AMOTL1: variants seen among roughly 807,000 people sequenced by gnomAD.
AMOTL1 encodes angiomotin-like protein 1.
A neutral mutation model predicts 102.9 loss-of-function variants in AMOTL1; 45 were observed. The observed-to-expected ratio is 0.44, with a 90% confidence interval of 0.34 to 0.56. AMOTL1 has a LOEUF of 0.56. Among genes scored for constraint, AMOTL1 ranks in the 20% least tolerant of loss-of-function variants. The probability of loss-of-function intolerance (pLI) is 0.01; values close to 1 mark genes in which losing one functional copy is unlikely to be tolerated. For missense variants in AMOTL1, 1,114 were observed against 1,225.6 expected (o/e 0.91, Z 1.36); for synonymous variants, 481 against 484.7 (o/e 0.99, Z 0.10).
intron 1 of AMOTL1, among the ~76,000 whole-genome samples, chr11:94,713,866 C>T (rs1009932275): frequency 6.6e-6 from 1 of 151,888 alleles, no homozygotes; most frequent in East Asian, 1.9e-4. Context: ...TTATTTTTCC[C>T]TTTCCATTCT....
Position 94,768,540 on chromosome 11 carries a change from C to G in AMOTL1, c.29C>G (p.Thr10Ser), listed in dbSNP as rs1950890253. MWRAKLRRG[T>S]CEPAVKGSPS... is the part of the protein sequence containing the mutation. ...TGGAGGGCAAAGTTGCGCCGGGGAA[C>G]TTGTGAGCCTGCGGTGAAAGGTAAC... Residue 10 changes from threonine to serine, a missense_variant, in exon 1 of 13, where the codon ACT becomes AGT. Physicochemically the swap from Thr to Ser is moderately conservative, Grantham distance 58. Coordinates refer to ENST00000433060, the MANE Select transcript of AMOTL1 (RefSeq NM_130847.3). 6.2e-7 allele frequency: 1 copy of G among 1,601,168 alleles called. No individual in the cohort carries two copies. Among genetic ancestry groups the G allele is most frequent in the Non-Finnish European group, 8.5e-7 (1 of 1,174,316 alleles).
chr11:94,763,443 G>A (rs1950818636), upstream of AMOTL1, among the ~76,000 whole-genome samples: 1 of 152,106 alleles, frequency 6.6e-6, no homozygotes, highest in Non-Finnish European at 1.5e-5. Context: ...TTTATATTTA[G>A]AAAAAGGCAG....
At chr11:94,846,502 G>A (rs1952414483) in intron 6 of AMOTL1, among the ~76,000 whole-genome samples, 1 of 152,258 alleles carries the variant, frequency 6.6e-6, no homozygotes, top group Admixed American at 6.5e-5. Flanking sequence ...AGAACCATAA[G>A]TGGAAGAGCT....
At position 94,821,752 on chromosome 11, in the gene AMOTL1, A is replaced by T. The variant is rs1226475484; in HGVS notation, c.1344A>T (p.Leu448Phe). ...GAGCCCAGCAAATGGTGGAGATATT[A>T]ACAGAGGAGAACCGGGTGCTTCACC... Reference protein sequence around the residue: ...VERAQQMVEILTEENRVLHQE... With the variant: ...VERAQQMVEIFTEENRVLHQE... The change falls in exon 4 of 13, where the codon TTA (leucine) becomes TTT (phenylalanine). Residue 448 changes from leucine to phenylalanine, a missense_variant. Physicochemically the swap from Leu to Phe is conservative, Grantham distance 22. Transcript: ENST00000433060. 2 of 1,614,006 alleles carry T rather than the reference A, an allele frequency of 1.2e-6. No individual in the cohort carries two copies. The highest frequency in any genetic ancestry group is 1.7e-6 in the Non-Finnish European group (2 of 1,179,888).
chr11:94,830,235 A>G (rs1952045170), intron 5 of AMOTL1, 41 bp downstream of exon 5: 1 of 1,545,916 alleles, frequency 6.5e-7, no homozygotes, highest in Non-Finnish European at 8.7e-7. Context: ...CTACCTGTAG[A>G]GTTTTAGTGT....
intron 2 of AMOTL1, among the ~76,000 whole-genome samples, chr11:94,796,001 C>T (rs1951359105): frequency 6.6e-6 from 1 of 152,176 alleles, no homozygotes; most frequent in South Asian, 2.1e-4. Flanking sequence ...AAAGAGCAGA[C>T]CAGTCCAACC....
chr11:94,820,784 A>G (rs542501439), intron 3 of AMOTL1, among the ~76,000 whole-genome samples: 1 of 152,234 alleles, frequency 6.6e-6, no homozygotes, highest in Non-Finnish European at 1.5e-5. Context: ...CAGGCATTAG[A>G]TTATCATAAG....
At chr11:94,864,150 C>G (rs1445026212) in intron 9 of AMOTL1, among the ~76,000 whole-genome samples, 2 of 152,172 alleles carry the variant, frequency 1.3e-5, no homozygotes, top group African/African-American at 4.8e-5. Context: ...GCATTCTATG[C>G]TGTATGGATG....
At position 94,826,160 on chromosome 11, in the gene AMOTL1, A is replaced by C. The variant is rs149912282; in HGVS notation, c.1414-3890A>C. Among the ~76,000 whole-genome samples, 633 of 152,196 alleles carry C rather than the reference A, an allele frequency of 4.2e-3. 12 individuals carry two copies. The highest frequency in any genetic ancestry group is 0.035 in the South Asian group (168 of 4,818). On this transcript the variant is annotated intron_variant, in intron 4 of 12. Coordinates refer to ENST00000433060, the MANE Select transcript of AMOTL1 (RefSeq NM_130847.3). ...ATACAAAAATTACCCAGCCATGGTG[A>C]TGCACCCCTGTAATTCCAGCTGCCC...
chr11:94,771,534 A>T (rs920243453), intron 1 of AMOTL1, among the ~76,000 whole-genome samples: 1 of 152,000 alleles, frequency 6.6e-6, no homozygotes, highest in African/African-American at 2.4e-5. Flanking sequence ...TTGCCTAGTG[A>T]TTTTTTTAAA....
At chr11:94,775,715 T>C (rs1951018223) in intron 1 of AMOTL1, among the ~76,000 whole-genome samples, 1 of 152,222 alleles carries the variant, frequency 6.6e-6, no homozygotes, top group African/African-American at 2.4e-5. Context: ...TGTTGTTCTA[T>C]AGTGAGATTG....
chr11:94,793,382 C>A lies in AMOTL1; in HGVS notation c.50-1629C>A, dbSNP rs149202804. ...CTCTTGCTTAGAGCTTCCCCAGTTT[C>A]GCTCCACATTGGAATTGTTGGAAGA... On this transcript the variant is annotated intron_variant, in intron 1 of 12. Transcript: ENST00000433060. 9.3e-4 allele frequency among the ~76,000 whole-genome samples: 141 copies of A among 152,232 alleles called. 1 individual carries two copies. Among genetic ancestry groups the A allele is most frequent in the African/African-American group, 3.2e-3 (134 of 41,534 alleles).
At chr11:94,869,883 A>T (rs1250668091) in intron 12 of AMOTL1, among the ~76,000 whole-genome samples, 1 of 152,174 alleles carries the variant, frequency 6.6e-6, no homozygotes, top group East Asian at 1.9e-4. Context: ...GCCTCAGTGG[A>T]GGACATTGTG....
intron 3 of AMOTL1, among the ~76,000 whole-genome samples, chr11:94,753,314 T>G (rs1218189980): frequency 1.3e-5 from 2 of 151,628 alleles, no homozygotes; most frequent in South Asian, 2.1e-4. Flanking sequence ...TGCTTTTTTT[T>G]TTTTTTTTTT....
intron 1 of AMOTL1, among the ~76,000 whole-genome samples, chr11:94,791,189 G>A (rs902471332): frequency 1.3e-5 from 2 of 152,180 alleles, no homozygotes; most frequent in African/African-American, 4.8e-5. Flanking sequence ...TGCAGATTTT[G>A]TTAAGAAAAA....
intron 4 of AMOTL1, among the ~76,000 whole-genome samples, 186 bp from the exon 5 acceptor site, chr11:94,829,864 T>G (rs1457250515): frequency 6.6e-6 from 1 of 152,216 alleles, no homozygotes; most frequent in South Asian, 2.1e-4. Context: ...AAGATCCTAA[T>G]GTAGTCTTTA....
intron 3 of AMOTL1, among the ~76,000 whole-genome samples, chr11:94,758,635 AT>A (rs1217345211): frequency 1.3e-5 from 2 of 152,244 alleles, no homozygotes. Flanking sequence ...TTAAGCAATG[AT>A]AAATTAAAAA....
chr11:94,850,125 T>C lies in AMOTL1; in HGVS notation c.1660T>C (p.Leu554=). The change falls in exon 7 of 13, where the codon TTG becomes CTG. Residue 554 remains leucine, a synonymous_variant. Transcript: ENST00000433060. ...GHYASQNKEF[L]KEKEKLEMEL... ...TGTTTCCCTTCTAGACAAAGAATTC[T>C]TGAAGGAAAAGGAGAAATTAGAAAT... The C allele has an allele frequency of 6.3e-7, 1 of 1,580,500 alleles. No individual in the cohort carries two copies. The highest frequency in any genetic ancestry group is 8.6e-7 in the Non-Finnish European group (1 of 1,162,396).
At chr11:94,794,890 A>G in intron 1 of AMOTL1, 121 bp from the exon 2 acceptor site, 1 of 1,136,330 alleles carries the variant, frequency 8.8e-7, no homozygotes, top group Non-Finnish European at 1.2e-6. Context: ...ATCAAAAAGA[A>G]AGAGCTCCCT....
Sources: allele counts gnomAD v4.1 joint callset (sites outside exome capture counted in the v4.1 genomes callset), GRCh38; gene constraint gnomAD v4.1.1; transcripts MANE v1.5; gene names NCBI Gene and HGNC (gene_info 2026-07-23, HGNC 2026-07-21).